The following CFTR variants were observed in gnomAD, a reference collection of about 807,000 sequenced individuals.
CFTR encodes cystic fibrosis transmembrane conductance regulator.
Under a neutral mutation model 171.6 loss-of-function variants are expected in CFTR, and 181 were observed. The observed-to-expected ratio is 1.05, with a 90% CI of 0.93 to 1.19. The LOEUF (loss-of-function observed/expected upper bound fraction) is 1.19. Ranked by LOEUF, CFTR falls within the 50% of genes most tolerant of loss-of-function variation. The pLI is 0.00. For missense variants in CFTR, 1,968 were observed against 1,734.7 expected, an observed-to-expected ratio of 1.13 and a Z score of -2.39; for synonymous variants, 583 against 608.0, an observed-to-expected ratio of 0.96 and a Z score of 0.60.
intron 9 of CFTR, among the ~76,000 whole-genome samples, chr7:117,545,990 A>ATTTTG (rs1353974403): frequency 2.3e-4 from 35 of 150,276 alleles, no homozygotes; most frequent in Admixed American, 2.3e-3. Context: ...AGCTAATTTT[A>ATTTTG]TTTTATTTTA....
chr7:117,545,861 C>T (rs909619869), intron 9 of CFTR, among the ~76,000 whole-genome samples: 4 of 151,920 alleles, frequency 2.6e-5, no homozygotes, highest in East Asian at 1.9e-4. Context: ...TGCTCTATCA[C>T]GTGGGCTGGA....
chr7:117,535,603 C>T (rs775474222), intron 6 of CFTR, among the ~76,000 whole-genome samples, 192 bp downstream of exon 6: 3 of 145,166 alleles, frequency 2.1e-5, no homozygotes, highest in Admixed American at 6.9e-5. Context: ...GATCTTGGCT[C>T]ACTGCACTGC....
chr7:117,598,032 A>C (rs1792164319), intron 15 of CFTR, among the ~76,000 whole-genome samples: 1 of 152,214 alleles, frequency 6.6e-6, no homozygotes, highest in East Asian at 1.9e-4. Flanking sequence ...TATCTATAGA[A>C]GGCAGCTGTC....
Position 117,618,478 on chromosome 7 carries a change from T to TCACA in CFTR, c.3468+3790_3468+3793dup, listed in dbSNP as rs34610095. Among the ~76,000 whole-genome samples the TCACA allele has an allele frequency of 5.6e-3, 825 of 148,300 alleles. 6 individuals carry two copies. Among genetic ancestry groups the TCACA allele is most frequent in the South Asian group, 0.028 (131 of 4,684 alleles). ...CCTGAGCAATAGAGGAGACTCCGTC[T>TCACA]CACACACACACACACACACACACAC... is the stretch of plus-strand genomic sequence containing the variant. On this transcript the variant is annotated intron_variant, in intron 21 of 26. Coordinates refer to ENST00000003084, the MANE Select transcript of CFTR (RefSeq NM_000492.4).
At chr7:117,505,178 G>C (rs180682512) in intron 2 of CFTR, among the ~76,000 whole-genome samples, 154 of 152,278 alleles carry the variant, frequency 1.0e-3, no homozygotes, top group African/African-American at 3.6e-3. Context: ...GGCTCAGAGA[G>C]ATAATATACT....
chr7:117,663,272 A>G (rs918355599), intron 24 of CFTR, among the ~76,000 whole-genome samples: 1 of 152,210 alleles, frequency 6.6e-6, no homozygotes, highest in African/African-American at 2.4e-5. Context: ...AGTGCCCTTT[A>G]TTCATATTCT....
At chr7:117,650,748 C>A (rs1328089145) in intron 23 of CFTR, among the ~76,000 whole-genome samples, 1 of 152,146 alleles carries the variant, frequency 6.6e-6, no homozygotes, top group African/African-American at 2.4e-5. Context: ...TCTCCAGGAA[C>A]TGAGCCTGTG....
chr7:117,614,473 A>T, intron 20 of CFTR, 140 bp from the exon 21 acceptor site: 5 of 680,374 alleles, frequency 7.3e-6, no homozygotes, highest in Non-Finnish European at 8.2e-6. Context: ...TGATGAACTG[A>T]GATTTAAAAA....
At chr7:117,634,719 T>G (rs1342999491) in intron 22 of CFTR, among the ~76,000 whole-genome samples, 1 of 152,148 alleles carries the variant, frequency 6.6e-6, no homozygotes, top group East Asian at 1.9e-4. Context: ...CATGTGTTAC[T>G]TAGAAGTGTG....
chr7:117,628,831 A>G (rs1182504001), intron 22 of CFTR, among the ~76,000 whole-genome samples: 1 of 152,148 alleles, frequency 6.6e-6, no homozygotes, highest in African/African-American at 2.4e-5. Flanking sequence ...AGGTATTCAT[A>G]TCAGTGAATA....
At chr7:117,508,191 G>A (rs1047752117) in intron 2 of CFTR, among the ~76,000 whole-genome samples, 6 of 152,132 alleles carry the variant, frequency 3.9e-5, no homozygotes, top group South Asian at 2.1e-4. Context: ...GTTCTTCCTT[G>A]TGGTTCATGA....
chr7:117,544,786 ACTT>A (rs1215175828), intron 9 of CFTR, among the ~76,000 whole-genome samples: 1 of 152,174 alleles, frequency 6.6e-6, no homozygotes, highest in Admixed American at 6.5e-5. Flanking sequence ...GGCTGTTCTC[ACTT>A]CTTCACTTTT....
In CFTR at chr7:117,592,461, G is replaced by A. The variant is rs557228597; in HGVS notation, c.2294G>A (p.Arg765Lys). The stretch of plus-strand genomic sequence containing the variant: ...ACTGGCCCCACGCTTCAGGCACGAA[G>A]GAGGCAGTCTGTCCTGAACCTGATG... Reference protein sequence around the residue: ...ISTGPTLQARRRQSVLNLMTH... With the variant: ...ISTGPTLQARKRQSVLNLMTH... The change falls in exon 14 of 27, where the codon AGG becomes AAG. Residue 765 changes from arginine to lysine, a missense_variant. Transcript: ENST00000003084. 10 of 1,585,462 alleles carry A rather than the reference G, an allele frequency of 6.3e-6. No individual in the cohort carries two copies. The East Asian group carries it at 2.0e-4, about 32-fold the overall frequency.
At chr7:117,600,411 T>C (rs892900591) in intron 15 of CFTR, among the ~76,000 whole-genome samples, 5 of 152,058 alleles carry the variant, frequency 3.3e-5, no homozygotes, top group Admixed American at 6.5e-5. Flanking sequence ...AGAGTCTTGT[T>C]GTTGACTGGA....
intron 1 of CFTR, among the ~76,000 whole-genome samples, chr7:117,501,772 G>GAAAAAAAAAAAAAAAAAAAAAAAAA (rs1798332750): frequency 4.1e-5 from 3 of 73,578 alleles, no homozygotes; most frequent in Non-Finnish European, 5.7e-5. Flanking sequence ...AAAAAAAAAA[G>GAAAAAAAAAAAAAAAAAAAAAAAAA]AAACAAAAAA....
intron 1 of CFTR, among the ~76,000 whole-genome samples, chr7:117,484,698 A>G (rs1798045485): frequency 6.6e-6 from 1 of 151,398 alleles, no homozygotes; most frequent in Non-Finnish European, 1.5e-5. Context: ...ACATTTATTT[A>G]TATATAAAAT....
chr7:117,539,344 GAGAC>G lies in CFTR; in HGVS notation c.870-752_870-749del, dbSNP rs1184864151. Among the ~76,000 whole-genome samples the G allele has an allele frequency of 2.0e-5, 3 of 152,120 alleles. No individual in the cohort carries two copies. In the East Asian group the frequency reaches 5.8e-4, roughly 29 times the overall value. The stretch of plus-strand genomic sequence containing the variant: ...TGATTGCAAATAATTATATTGAAAT[GAGAC>G]AGAGAGGATGTAGTATCTACTGTCA... On this transcript the variant is annotated intron_variant, in intron 7 of 26. Coordinates refer to ENST00000003084, the MANE Select transcript of CFTR (RefSeq NM_000492.4).
At position 117,642,488 on chromosome 7, in the gene CFTR, T is replaced by A. The variant is rs2116167122; in HGVS notation, c.3768T>A (p.Ala1256=). ...TGSGKSTLLS[A]FLRLLNTEGE... ...CAGGGAAGAGTACTTTGTTATCAGC[T>A]TTTTTGAGACTACTGAACACTGAAG... Residue 1256 remains alanine (A), a synonymous_variant, in exon 23 of 27, where the codon GCT becomes GCA. Coordinates refer to ENST00000003084, the MANE Select transcript of CFTR (RefSeq NM_000492.4). 6.2e-7 allele frequency: 1 copy of A among 1,613,564 alleles called. No homozygotes were observed. The highest frequency in any genetic ancestry group is 2.2e-5 in the East Asian group (1 of 44,836).
At chr7:117,612,082 TTC>T (rs1176110273) in intron 20 of CFTR, among the ~76,000 whole-genome samples, 2 of 121,078 alleles carry the variant, frequency 1.7e-5, no homozygotes, top group Non-Finnish European at 1.8e-5. Flanking sequence ...TATCCCTGTT[TTC>T]ACAGTTTTAA....
Sources: gnomAD v4.1 joint callset for allele counts (sites outside exome capture counted in the v4.1 genomes callset) on GRCh38, gnomAD v4.1.1 for gene constraint, MANE v1.5 for transcripts, NCBI Gene and HGNC (gene_info 2026-07-23, HGNC 2026-07-21) for gene names.